PFAS: variants seen among roughly 807,000 people sequenced by gnomAD.
PFAS encodes the protein FGAM synthase.
PFAS carries 97 observed loss-of-function variants against 140.6 expected under a neutral mutation model. The ratio of observed to expected loss-of-function variants is 0.69; its 90% CI spans 0.59 to 0.82. The LOEUF (loss-of-function observed/expected upper bound fraction) is 0.82, where lower values mean the gene tolerates loss of function less well. Among genes scored for constraint, PFAS ranks in the 40% least tolerant of loss-of-function variants. The pLI is 0.00. For synonymous variants in PFAS, 679 were observed against 718.8 expected, an observed-to-expected ratio of 0.94 and a Z score of 0.88; for missense variants, 1,656 against 1,780.2, an observed-to-expected ratio of 0.93 and a Z score of 1.26.
At chr17:8,251,486 A>G (rs917811284) in intron 1 of PFAS, among the ~76,000 whole-genome samples, 3 of 150,966 alleles carry the variant, frequency 2.0e-5, no homozygotes, top group South Asian at 2.1e-4. Flanking sequence ...GGGTCTTACC[A>G]TGTTGCCCAG....
intron 20 of PFAS, 79 bp downstream of exon 20, chr17:8,265,718 C>G: frequency 1.4e-6 from 2 of 1,404,288 alleles, no homozygotes; most frequent in Non-Finnish European, 2.0e-6. Flanking sequence ...TGCTGGGCCC[C>G]CATCTCAACA....
In PFAS at chr17:8,266,953, G is replaced by A. The variant is rs547608638; in HGVS notation, c.2967+55G>A. On this transcript the variant is annotated intron_variant, in intron 23 of 27. Transcript: ENST00000314666. The surrounding 1 kb of genome is among the most constrained non-coding windows in gnomAD (Gnocchi z 5.0). Reference sequence around the variant, plus strand: ...AGTGGGCAGTCAGAGTGGGGTGGCCGCGGTCCATCCCTCTCCCACTGTGGA... The same window carrying A: ...AGTGGGCAGTCAGAGTGGGGTGGCCACGGTCCATCCCTCTCCCACTGTGGA... 1.1e-4 allele frequency: 169 copies of A among 1,599,168 alleles called. 1 individual carries two copies. The South Asian group carries it at 1.8e-3, about 17-fold the overall frequency.
rs112083312 is a variant in PFAS at position 8,264,400 on chromosome 17, G to A, written c.1917+63G>A. ...CTCTCCACACCACCCTTTACCCTACGTGCACTTTGTCGCCTGTGTGCCCAG... is the reference window on the plus strand; with the variant it reads ...CTCTCCACACCACCCTTTACCCTACATGCACTTTGTCGCCTGTGTGCCCAG... On this transcript the variant is annotated intron_variant, in intron 16 of 27. Coordinates refer to ENST00000314666, the MANE Select transcript of PFAS (RefSeq NM_012393.3). 4.5e-5 allele frequency: 72 copies of A among 1,612,038 alleles called. 1 individual carries two copies. The highest frequency in any genetic ancestry group is 3.2e-4 in the African/African-American group (24 of 74,948).
Position 8,266,720 on chromosome 17 carries a change from G to A in PFAS, c.2822-33G>A. The A allele has an allele frequency of 6.4e-7, 1 of 1,570,432 alleles. No homozygotes were observed. ...CGCCCCAACTCCCTTGGCCCTTCTT[G>A]CATCCCCCTGACTCCCCACATTGCT... is the stretch of plus-strand genomic sequence containing the variant. On this transcript the variant is annotated intron_variant, in intron 22 of 27. Transcript: ENST00000314666. This position sits in a 1 kb window ranked among gnomAD's most constrained non-coding sequence, Gnocchi z 5.0.
In PFAS at chr17:8,263,626, G is replaced by C. The variant is rs773075665; in HGVS notation, c.1619G>C (p.Ser540Thr). The C allele has an allele frequency of 6.2e-7, 1 of 1,613,972 alleles. No homozygotes were observed. Among genetic ancestry groups the C allele is most frequent in the South Asian group, 1.1e-5 (1 of 91,076 alleles). The change falls in exon 14 of 28, where the codon AGC (serine) becomes ACC (threonine). Residue 540 changes from serine to threonine, a missense_variant. Transcript: ENST00000314666. ...SDPAGAIIYT[S>T]RFQLGDPTLN... ...CCAGCTGGAGCCATCATTTACACCAGCCGCTTCCAGGTGGGTCTCGTCCCC... is the reference window on the plus strand; with the variant it reads ...CCAGCTGGAGCCATCATTTACACCACCCGCTTCCAGGTGGGTCTCGTCCCC...
At position 8,266,168 on chromosome 17, in the gene PFAS, G is replaced by A. The variant is rs919784123; in HGVS notation, c.2702-66G>A. 1.1e-5 allele frequency: 17 copies of A among 1,600,436 alleles called. No individual in the cohort carries two copies. Among genetic ancestry groups the A allele is most frequent in the East Asian group, 2.2e-5 (1 of 44,786 alleles). Reference sequence around the variant, plus strand: ...CACACACTCTTGATGGACTGACTCCGGAAGGTGGGGTGGGGCTGTCAGGTT... The same window carrying A: ...CACACACTCTTGATGGACTGACTCCAGAAGGTGGGGTGGGGCTGTCAGGTT... On this transcript the variant is annotated intron_variant, in intron 21 of 27. Coordinates refer to ENST00000314666, the MANE Select transcript of PFAS (RefSeq NM_012393.3). The surrounding 1 kb of genome is among the most constrained non-coding windows in gnomAD (Gnocchi z 5.0).
Position 8,267,814 on chromosome 17 carries a change from G to C in PFAS, c.3382+149G>C. ...CGTTCTGGGCCACATGCCAACAGAA[G>C]GCTGGTAGTAAATTTTTAATTTTTT... On this transcript the variant is annotated intron_variant, in intron 26 of 27. Transcript: ENST00000314666. The surrounding 1 kb of genome is among the most constrained non-coding windows in gnomAD (Gnocchi z 4.9). 2 of 418,988 alleles carry C rather than the reference G, an allele frequency of 4.8e-6. No homozygotes were observed. The highest frequency in any genetic ancestry group is 8.5e-6 in the Non-Finnish European group (2 of 235,276). 26.0% of individuals were successfully genotyped at this position (418,988 alleles called of 1,614,324 possible). A position where few individuals can be genotyped will look rare whatever the true frequency, so the allele number is the denominator to read the frequency against.
chr17:8,258,324 C>G (rs780277933), intron 11 of PFAS, 125 bp downstream of exon 11: 4 of 1,046,626 alleles, frequency 3.8e-6, no homozygotes, highest in Non-Finnish European at 5.6e-6. Context: ...TCTTATGTGT[C>G]ACATAATGAT....
chr17:8,266,356 A>G lies in PFAS; in HGVS notation c.2821+3A>G, dbSNP rs748668297. 1.2e-6 allele frequency: 2 copies of G among 1,613,808 alleles called. No homozygotes were observed. The highest frequency in any genetic ancestry group is 3.3e-5 in the Admixed American group (2 of 59,968). On this transcript the variant is annotated splice_donor_region_variant and intron_variant, in intron 22 of 27. Transcript: ENST00000314666. The surrounding 1 kb of genome is among the most constrained non-coding windows in gnomAD (Gnocchi z 5.0). ...TGTGCCTGTCCCCAGGGTTGATGGT[A>G]AGGAACCTGGGGTCTAGTCTCAGGC... is the stretch of plus-strand genomic sequence containing the variant.
At chr17:8,251,996 T>G (rs1989173226) in intron 1 of PFAS, among the ~76,000 whole-genome samples, 1 of 152,072 alleles carries the variant, frequency 6.6e-6, no homozygotes, top group Admixed American at 6.5e-5. Flanking sequence ...TCTTTTTTTT[T>G]GTTTTAATAA....
intron 9 of PFAS, 61 bp downstream of exon 9, chr17:8,257,024 A>G: frequency 6.3e-7 from 1 of 1,578,594 alleles, no homozygotes; most frequent in East Asian, 2.2e-5. Flanking sequence ...GGCAGGCAGC[A>G]AACTTCTATC....
intron 13 of PFAS, 141 bp downstream of exon 13, chr17:8,263,406 C>A: frequency 8.9e-7 from 1 of 1,121,432 alleles, no homozygotes; most frequent in Non-Finnish European, 1.3e-6. Flanking sequence ...TAGACAGGTT[C>A]AGGGTTGGAA....
At position 8,255,133 on chromosome 17, in the gene PFAS, G is replaced by T; in HGVS notation, c.384+1G>T. On this transcript the variant is annotated splice_donor_variant, in intron 4 of 27. Transcript: ENST00000314666. LOFTEE classifies it high-confidence loss of function. ...GACCACCCGGCGCTACCGGCTCTCG[G>T]TGAGGTGATGGGGAATCAGGAGGAG... The T allele has an allele frequency of 6.2e-7, 1 of 1,600,660 alleles. No homozygotes were observed. Among genetic ancestry groups the T allele is most frequent in the African/African-American group, 1.3e-5 (1 of 74,860 alleles).
intron 9 of PFAS, 81 bp from the exon 10 acceptor site, chr17:8,257,726 C>T: frequency 6.7e-7 from 1 of 1,482,912 alleles, no homozygotes; most frequent in Non-Finnish European, 9.4e-7. Flanking sequence ...GTGGCCTTGA[C>T]TCTTCCTGAA....
chr17:8,266,688 C>G lies in PFAS; in HGVS notation c.2822-65C>G. The G allele has an allele frequency of 1.3e-6, 2 of 1,541,930 alleles. No individual in the cohort carries two copies. The highest frequency in any genetic ancestry group is 1.7e-6 in the Non-Finnish European group (2 of 1,147,772). On this transcript the variant is annotated intron_variant, in intron 22 of 27. Coordinates refer to ENST00000314666, the MANE Select transcript of PFAS (RefSeq NM_012393.3). This position sits in a 1 kb window ranked among gnomAD's most constrained non-coding sequence, Gnocchi z 5.0. Reference sequence around the variant, plus strand: ...TCACCCTGGCCCTTCCTGCATTTCCCTGATCCCGCCCCAACTCCCTTGGCC... The same window carrying G: ...TCACCCTGGCCCTTCCTGCATTTCCGTGATCCCGCCCCAACTCCCTTGGCC...
At chr17:8,252,513 C>T (rs986266957) in intron 1 of PFAS, among the ~76,000 whole-genome samples, 5 of 148,798 alleles carry the variant, frequency 3.4e-5, no homozygotes, top group African/African-American at 1.2e-4. Context: ...GAGTGATTCT[C>T]CTGCCTCAGC....
At position 8,256,963 on chromosome 17, in the gene PFAS, G is replaced by C; in HGVS notation, c.1075G>C (p.Gly359Arg). ...GYCFGNLHIP[G>R]YNLPWEDPSF... is the part of the protein sequence containing the mutation. The stretch of plus-strand genomic sequence containing the variant: ...TTGCTTTGGAAATCTGCATATTCCA[G>C]GTTCCATCTCCTTCCTCTCTATCCA... The change falls in exon 9 of 28, where the codon GGT becomes CGT. Residue 359 changes from glycine to arginine, a missense_variant and splice_region_variant. Coordinates refer to ENST00000314666, the MANE Select transcript of PFAS (RefSeq NM_012393.3). 1 of 1,614,120 alleles carries C rather than the reference G, an allele frequency of 6.2e-7. No individual in the cohort carries two copies.
intron 9 of PFAS, 44 bp from the exon 10 acceptor site, chr17:8,257,758 GTCTTC>G: frequency 6.2e-7 from 1 of 1,607,456 alleles, no homozygotes; most frequent in African/African-American, 1.3e-5. Flanking sequence ...GCTCCGGCCT[GTCTTC>G]ACAGTTCATT....
rs748930252 is a variant in PFAS at position 8,266,377 on chromosome 17, C to T, written c.2821+24C>T. On this transcript the variant is annotated intron_variant, in intron 22 of 27. Transcript: ENST00000314666. This position sits in a 1 kb window ranked among gnomAD's most constrained non-coding sequence, Gnocchi z 5.0. The stretch of plus-strand genomic sequence containing the variant: ...TGGTAAGGAACCTGGGGTCTAGTCT[C>T]AGGCCCGGGCTGCCTTCTCTACCCT... 9 of 1,613,748 alleles carry T rather than the reference C, an allele frequency of 5.6e-6. No homozygotes were observed. The East Asian group carries it at 1.1e-4, about 20-fold the overall frequency.
Sources: gnomAD v4.1 joint callset for allele counts (sites outside exome capture counted in the v4.1 genomes callset) on GRCh38, gnomAD v4.1.1 for gene constraint, Gnocchi (gnomAD v3.1) non-coding constraint, MANE v1.5 for transcripts, NCBI Gene and HGNC (gene_info 2026-07-23, HGNC 2026-07-21) for gene names.